The following IFI44L variants were observed in gnomAD, a reference collection of about 807,000 sequenced individuals.
The protein encoded by IFI44L is interferon-induced protein 44-like.
Under a neutral mutation model 39.3 loss-of-function variants are expected in IFI44L, and 40 were observed. The observed-to-expected ratio is 1.02, with a 90% CI of 0.79 to 1.33. The LOEUF (loss-of-function observed/expected upper bound fraction) is 1.33, where lower values mean the gene tolerates loss of function less well. Among genes scored for constraint, IFI44L ranks in the 40% most tolerant of loss-of-function variants. The pLI is 0.00. For synonymous variants in IFI44L, 198 were observed against 182.3 expected (o/e 1.09, Z -0.69); for missense variants, 623 against 549.0 (o/e 1.13, Z -1.35).
chr1:78,628,625 AGAGATGACAAAGGAGATG>A (rs945936140), intron 2 of IFI44L: 1 of 528,084 alleles, frequency 1.9e-6, no homozygotes, highest in African/African-American at 1.9e-5. Context: ...GTGCAGAGAT[AGAGATGACAAAGGAGATG>A]GGGATGTGGA....
chr1:78,629,219 C>A (rs1008013322), intron 3 of IFI44L, among the ~76,000 whole-genome samples: 1 of 152,082 alleles, frequency 6.6e-6, no homozygotes, highest in African/African-American at 2.4e-5. Context: ...CACTTTAGAC[C>A]AAAATTTTCC....
At position 78,635,454 on chromosome 1, in the gene IFI44L, C is replaced by A. The variant is rs1415598346; in HGVS notation, c.841C>A (p.His281Asn). 3.1e-6 allele frequency: 5 copies of A among 1,613,278 alleles called. No individual in the cohort carries two copies. Among genetic ancestry groups the A allele is most frequent in the Non-Finnish European group, 4.2e-6 (5 of 1,179,566 alleles). ...AGGACTGTGCATGGATGACATTCCCCACATCTTAAAAGGTTGTATGCCAGA... is the reference window on the plus strand; with the variant it reads ...AGGACTGTGCATGGATGACATTCCCAACATCTTAAAAGGTTGTATGCCAGA... ...GAGLCMDDIP[H>N]ILKGCMPDRY... The change falls in exon 5 of 9, where the codon CAC becomes AAC. Residue 281 changes from histidine (H) to asparagine (N), a missense_variant. Physicochemically the swap from His to Asn is moderately conservative, Grantham distance 68. Coordinates refer to ENST00000370751, the MANE Select transcript of IFI44L (RefSeq NM_006820.4).
rs867754320 is a variant in IFI44L at position 78,629,872 on chromosome 1, G to C, written c.680G>C (p.Gly227Ala). 2 of 1,613,600 alleles carry C rather than the reference G, an allele frequency of 1.2e-6. No homozygotes were observed. The highest frequency in any genetic ancestry group is 3.3e-5 in the Admixed American group (2 of 59,948). The part of the protein sequence containing the change: ...VKSIFHGHVT[G>A]QAVVGSDITS... Reference sequence around the variant, plus strand: ...TCTATTTTTCATGGCCATGTGACTGGCCAAGCCGTAGTGGGGTCTGATATC... The same window carrying C: ...TCTATTTTTCATGGCCATGTGACTGCCCAAGCCGTAGTGGGGTCTGATATC... The change falls in exon 4 of 9, where the codon GGC (glycine) becomes GCC (alanine). Residue 227 changes from glycine (G) to alanine (A), a missense_variant. By Grantham distance (60) the Gly-to-Ala change is moderately conservative (BLOSUM62 0). Coordinates refer to ENST00000370751, the MANE Select transcript of IFI44L (RefSeq NM_006820.4).
At position 78,628,117 on chromosome 1, in the gene IFI44L, A is replaced by G; in HGVS notation, c.202A>G (p.Asn68Asp). 1 of 1,612,380 alleles carries G rather than the reference A, an allele frequency of 6.2e-7. No homozygotes were observed. The highest frequency in any genetic ancestry group is 8.5e-7 in the Non-Finnish European group (1 of 1,179,226). ...YNMIVAFMLG[N>D]YINLHESSTE... The stretch of plus-strand genomic sequence containing the variant: ...TATGATTGTAGCCTTTATGCTTGGA[A>G]ATTATATTAATTTACATGAAAGTTC... Residue 68 changes from asparagine to aspartate, a missense_variant, in exon 2 of 9, where the codon AAT (asparagine) becomes GAT (aspartate). By Grantham distance (23) the Asn-to-Asp change is conservative. Coordinates refer to ENST00000370751, the MANE Select transcript of IFI44L (RefSeq NM_006820.4).
At chr1:78,623,426 TAA>T (rs139426377) in intron 1 of IFI44L, among the ~76,000 whole-genome samples, 2 of 114,544 alleles carry the variant, frequency 1.7e-5, no homozygotes, top group East Asian at 2.7e-4. Context: ...TTTTTTTTTT[TAA>T]ATCATGGAAG....
chr1:78,641,048 A>T lies in IFI44L; in HGVS notation c.1076A>T (p.Lys359Ile). Residue 359 changes from lysine to isoleucine, a missense_variant, in exon 7 of 9, where the codon AAA becomes ATA. By Grantham distance (102) the Lys-to-Ile change is moderately radical (BLOSUM62 -3). Transcript: ENST00000370751. Reference protein sequence around the residue: ...CGIAYVALLTKVDDCSEVLQD... With the variant: ...CGIAYVALLTIVDDCSEVLQD... ...ATAGCATATGTGGCCTTGCTTACTA[A>T]AGTGGATGATTGCAGTGAGGTTCTT... The T allele has an allele frequency of 6.2e-7, 1 of 1,612,464 alleles. No individual in the cohort carries two copies. The highest frequency in any genetic ancestry group is 8.5e-7 in the Non-Finnish European group (1 of 1,178,798).
chr1:78,636,839 C>T, intron 5 of IFI44L, 193 bp from the exon 6 acceptor site: 3 of 481,296 alleles, frequency 6.2e-6, no homozygotes, highest in Non-Finnish European at 7.3e-6. Context: ...GTTTTTTTTC[C>T]TATAAGAGAG....
Position 78,629,781 on chromosome 1 carries a change from G to A in IFI44L, c.589G>A (p.Glu197Lys). ...DYRPYADLVS[E>K]IRILLVGPVG... ...TAGGCCCTATGCAGACTTGGTTTCAGAAATTCGTATTCTTTTGGTGGGTCC... is the reference window on the plus strand; with the variant it reads ...TAGGCCCTATGCAGACTTGGTTTCAAAAATTCGTATTCTTTTGGTGGGTCC... Residue 197 changes from glutamate to lysine, a missense_variant, in exon 4 of 9, where the codon GAA becomes AAA. Physicochemically the swap from Glu to Lys is moderately conservative, Grantham distance 56. Transcript: ENST00000370751. 1 of 1,613,794 alleles carries A rather than the reference G, an allele frequency of 6.2e-7. No individual in the cohort carries two copies. The highest frequency in any genetic ancestry group is 1.6e-4 in the Middle Eastern group (1 of 6,062).
intron 8 of IFI44L, 34 bp downstream of exon 8, chr1:78,641,643 C>T (rs1557691563): frequency 2.5e-6 from 4 of 1,611,490 alleles, no homozygotes; most frequent in Non-Finnish European, 3.4e-6. Flanking sequence ...TGTCATAGAT[C>T]ACTGGTGCCT....
chr1:78,627,998 A>C lies in IFI44L; in HGVS notation c.83A>C (p.Tyr28Ser), dbSNP rs1038804009. 2 of 1,612,878 alleles carry C rather than the reference A, an allele frequency of 1.2e-6. No individual in the cohort carries two copies. Among genetic ancestry groups the C allele is most frequent in the Non-Finnish European group, 8.5e-7 (1 of 1,179,448 alleles). ...GGAAATGTTTCTTTGAGTCTTCTCT[A>C]TAAGTCTAGTGTTCATGGAGGTAGC... is the stretch of plus-strand genomic sequence containing the variant. ...LLGNVSLSLL[Y>S]KSSVHGGSIE... is the part of the protein sequence containing the mutation. The change falls in exon 2 of 9, where the codon TAT becomes TCT. Residue 28 changes from tyrosine to serine, a missense_variant. Coordinates refer to ENST00000370751, the MANE Select transcript of IFI44L (RefSeq NM_006820.4).
intron 6 of IFI44L, among the ~76,000 whole-genome samples, chr1:78,640,785 T>A (rs960529034): frequency 1.3e-5 from 2 of 152,116 alleles, no homozygotes; most frequent in Non-Finnish European, 2.9e-5. Context: ...TCGTAGATGA[T>A]TGCAATTTAG....
At chr1:78,638,326 T>A (rs938058976) in intron 6 of IFI44L, among the ~76,000 whole-genome samples, 1 of 152,080 alleles carries the variant, frequency 6.6e-6, no homozygotes, top group Non-Finnish European at 1.5e-5. Context: ...GATCTATAAA[T>A]CCTAAATATG....
rs1400258477 is a variant in IFI44L at position 78,639,239 on chromosome 1, G to GT, written c.1049-1780dup. Among the ~76,000 whole-genome samples the GT allele has an allele frequency of 2.0e-5, 3 of 152,192 alleles. No individual in the cohort carries two copies. In the East Asian group the frequency reaches 5.8e-4, roughly 29 times the overall value. ...CCTTGACACCATCAAGAGGGACCTT[G>GT]TTAGTATAGTGCAGGTATAAATGTC... is the stretch of plus-strand genomic sequence containing the variant. On this transcript the variant is annotated intron_variant, in intron 6 of 8. Coordinates refer to ENST00000370751, the MANE Select transcript of IFI44L (RefSeq NM_006820.4).
rs372111023 is a variant in IFI44L at position 78,623,953 on chromosome 1, C to T, written c.-11+3382C>T. Among the ~76,000 whole-genome samples, 10 of 152,108 alleles carry T rather than the reference C, an allele frequency of 6.6e-5. 1 individual carries two copies. On this transcript the variant is annotated intron_variant, in intron 1 of 8. Coordinates refer to ENST00000370751, the MANE Select transcript of IFI44L (RefSeq NM_006820.4). ...GCAGTTTACTAATTCAAATGCTAAT[C>T]TAAAATGTGTTTGTATATTCATTTG...
chr1:78,628,630 T>C, intron 2 of IFI44L: 2 of 524,300 alleles, frequency 3.8e-6, no homozygotes, highest in South Asian at 5.6e-5. Context: ...GAGATAGAGA[T>C]GACAAAGGAG....
intron 6 of IFI44L, among the ~76,000 whole-genome samples, chr1:78,639,703 G>T (rs1236938957): frequency 6.6e-6 from 1 of 152,086 alleles, no homozygotes; most frequent in Non-Finnish European, 1.5e-5. Flanking sequence ...AGAGGGAAAA[G>T]TGTGTCTACT....
In IFI44L at chr1:78,645,870, T is replaced by C. The variant is rs1259961591; in HGVS notation, c.*4061T>C. The C allele has an allele frequency of 1.3e-5, 2 of 152,102 alleles. No individual in the cohort carries two copies. Among genetic ancestry groups the C allele is most frequent in the African/African-American group, 4.8e-5 (2 of 41,406 alleles). 9.4% of individuals were successfully genotyped at this position (152,102 alleles called of 1,614,324 possible). ...ATCATGGATATAGAAGTACAGTCAA[T>C]GTTCAGCTGTACCCTCCCACAATCC... On this transcript the variant is annotated 3_prime_UTR_variant, in exon 9 of 9. Coordinates refer to ENST00000370751, the MANE Select transcript of IFI44L (RefSeq NM_006820.4).
chr1:78,627,734 A>G (rs1652544929), intron 1 of IFI44L, 172 bp from the exon 2 acceptor site: 2 of 380,664 alleles, frequency 5.3e-6, no homozygotes, highest in Non-Finnish European at 9.3e-6. Context: ...ATATTTTTAT[A>G]TCTAACATTA....
intron 1 of IFI44L, among the ~76,000 whole-genome samples, chr1:78,622,902 G>A (rs1175823745): frequency 1.3e-5 from 2 of 152,222 alleles, no homozygotes; most frequent in Non-Finnish European, 2.9e-5. Context: ...GTCTGCAGCT[G>A]TGGCTCGCAC....
Sources: gnomAD v4.1 joint callset for allele counts (sites outside exome capture counted in the v4.1 genomes callset) on GRCh38, gnomAD v4.1.1 for gene constraint, MANE v1.5 for transcripts, NCBI Gene and HGNC (gene_info 2026-07-23, HGNC 2026-07-21) for gene names.